ACTR3C: variants seen among roughly 807,000 people sequenced by gnomAD.
The protein encoded by ACTR3C is actin related protein 3C, also known as actin-related protein 3C.
In ACTR3C, 18 loss-of-function variants were observed where a neutral mutation model predicts 26.3. The ratio of observed to expected loss-of-function variants is 0.68; its 90% confidence interval spans 0.47 to 1.01. The LOEUF is 1.01. ACTR3C is among the 50% of genes least tolerant of loss of function. ACTR3C has a pLI of 0.00. For synonymous variants in ACTR3C, 55 were observed against 94.5 expected, an observed-to-expected ratio of 0.58 and a Z score of 2.42; for missense variants, 184 against 250.7, an observed-to-expected ratio of 0.73 and a Z score of 1.80.
At chr7:150,209,722 TAC>T in the ACTR3C span, among the ~76,000 whole-genome samples, 1,868 of 129,240 alleles carry the variant, frequency 0.014, 19 homozygotes, top group African/African-American at 0.025. Context: ...CTACTAAAAA[TAC>T]ACACACACAC....
the ACTR3C span, among the ~76,000 whole-genome samples, chr7:149,948,780 A>G: frequency 0.31 from 45,479 of 147,362 alleles, 6,474 homozygotes; most frequent in South Asian, 0.37. Flanking sequence ...TTTCATGAGT[A>G]GCCATAGGAC....
chr7:149,915,462 G>A, the ACTR3C span, among the ~76,000 whole-genome samples: 4,852 of 151,940 alleles, frequency 0.032, 266 homozygotes, highest in African/African-American at 0.11. Context: ...AACTCTCTAT[G>A]TACAAGCAGA....
the ACTR3C span, among the ~76,000 whole-genome samples, chr7:150,199,084 C>T: frequency 6.8e-6 from 1 of 148,072 alleles, no homozygotes; most frequent in South Asian, 2.1e-4. Flanking sequence ...TCTGCCCGGC[C>T]GCCCCCCCGT....
At chr7:150,196,274 C>T in the ACTR3C span, among the ~76,000 whole-genome samples, 1 of 152,188 alleles carries the variant, frequency 6.6e-6, no homozygotes, top group Non-Finnish European at 1.5e-5. Flanking sequence ...TGTACCATAA[C>T]TCATGGATGC....
chr7:149,997,909 T>C, the ACTR3C span, among the ~76,000 whole-genome samples: 9 of 149,192 alleles, frequency 6.0e-5, 1 homozygote, highest in East Asian at 4.3e-4. Flanking sequence ...AGTTTAGATA[T>C]TTGTTTTATT....
chr7:149,940,580 T>C, the ACTR3C span, among the ~76,000 whole-genome samples: 1 of 152,190 alleles, frequency 6.6e-6, no homozygotes, highest in South Asian at 2.1e-4. Context: ...AATACTTTTT[T>C]CAAAACTCCT....
At chr7:150,134,938 G>A in the ACTR3C span, among the ~76,000 whole-genome samples, 16 of 152,198 alleles carry the variant, frequency 1.1e-4, no homozygotes, top group Non-Finnish European at 2.1e-4. Flanking sequence ...AAACAAGCCC[G>A]TTTCCAGGTT....
intron 6 of ACTR3C, among the ~76,000 whole-genome samples, chr7:150,254,470 A>T (rs539121568): frequency 6.6e-6 from 1 of 152,042 alleles, no homozygotes; most frequent in Admixed American, 6.6e-5. Context: ...AACATGTTAC[A>T]TTTGTATTAT....
the ACTR3C span, among the ~76,000 whole-genome samples, chr7:150,020,598 T>C: frequency 6.6e-6 from 1 of 151,998 alleles, no homozygotes; most frequent in Non-Finnish European, 1.5e-5. Flanking sequence ...CACCTGGCTA[T>C]CAGTGGAGAA....
chr7:149,901,530 A>ATAAT, the ACTR3C span, among the ~76,000 whole-genome samples: 65,245 of 149,846 alleles, frequency 0.44, 14,556 homozygotes, highest in African/African-American at 0.51. Context: ...TCAAAATAAA[A>ATAAT]TATTTTAAAT....
intron 1 of ACTR3C, among the ~76,000 whole-genome samples, chr7:150,304,430 T>A (rs1351377839): frequency 6.6e-6 from 1 of 152,176 alleles, no homozygotes; most frequent in Non-Finnish European, 1.5e-5. Flanking sequence ...ATACCAAGGA[T>A]GGTACGTTTT....
intron 6 of ACTR3C, among the ~76,000 whole-genome samples, chr7:150,279,863 C>T (rs554826587): frequency 6.9e-4 from 105 of 152,266 alleles, no homozygotes; most frequent in African/African-American, 2.4e-3. Context: ...GAGTTATTTC[C>T]GTATTTTTAG....
At chr7:150,281,347 C>G (rs962941900) in intron 6 of ACTR3C, among the ~76,000 whole-genome samples, 2 of 151,058 alleles carry the variant, frequency 1.3e-5, no homozygotes, top group African/African-American at 4.9e-5. Context: ...TGTGCACTTG[C>G]TAACACAGAC....
At chr7:149,907,994 G>A in the ACTR3C span, among the ~76,000 whole-genome samples, 1 of 151,802 alleles carries the variant, frequency 6.6e-6, no homozygotes, top group East Asian at 1.9e-4. Context: ...AACCCTCAAT[G>A]TGACTGTATT....
At chr7:150,014,155 C>T in the ACTR3C span, among the ~76,000 whole-genome samples, 1 of 152,092 alleles carries the variant, frequency 6.6e-6, no homozygotes, top group Non-Finnish European at 1.5e-5. Context: ...TCCAACTAGT[C>T]AATTAAATGA....
chr7:149,899,962 C>T, the ACTR3C span, among the ~76,000 whole-genome samples: 6 of 74,186 alleles, frequency 8.1e-5, no homozygotes, highest in Non-Finnish European at 1.9e-4. Flanking sequence ...GACACACACA[C>T]ACCAAAAAAA....
the ACTR3C span, among the ~76,000 whole-genome samples, chr7:150,236,895 T>A: frequency 1.3e-5 from 2 of 150,784 alleles, no homozygotes; most frequent in Non-Finnish European, 2.9e-5. Flanking sequence ...CTTTCCTAAT[T>A]ATTTAGCTTT....
chr7:150,196,264 T>G, the ACTR3C span, among the ~76,000 whole-genome samples: 1 of 152,246 alleles, frequency 6.6e-6, no homozygotes, highest in Non-Finnish European at 1.5e-5. Flanking sequence ...CATTTTACAT[T>G]GTACCATAAC....
At chr7:150,029,419 A>C in the ACTR3C span, among the ~76,000 whole-genome samples, 1 of 16,396 alleles carries the variant, frequency 6.1e-5, no homozygotes, top group Non-Finnish European at 1.8e-4. Context: ...AAAAAAAAAC[A>C]AACAAAAAAA....
Sources: allele counts gnomAD v4.1 joint callset (sites outside exome capture counted in the v4.1 genomes callset), GRCh38; gene constraint gnomAD v4.1.1; transcripts MANE v1.5; gene names NCBI Gene and HGNC (gene_info 2026-07-23, HGNC 2026-07-21).